The following MMS19 variants were observed in gnomAD, a reference collection of about 807,000 sequenced individuals.
MMS19 encodes the protein MMS19 nucleotide excision repair protein homolog.
Under a neutral mutation model 129.8 loss-of-function variants are expected in MMS19, and 77 were observed. The observed-to-expected ratio is 0.59, with a 90% CI of 0.49 to 0.72. MMS19 has a LOEUF of 0.72. Among genes scored for constraint, MMS19 ranks in the 30% least tolerant of loss-of-function variants. MMS19 has a pLI of 0.00. For synonymous variants in MMS19, 491 were observed against 502.8 expected (o/e 0.98, Z 0.31); for missense variants, 1,168 against 1,266.3 (o/e 0.92, Z 1.18).
chr10:97,487,669 G>T (rs976878925), intron 1 of MMS19, among the ~76,000 whole-genome samples: 1 of 152,064 alleles, frequency 6.6e-6, no homozygotes, highest in Non-Finnish European at 1.5e-5. Context: ...AGCCCTAAAA[G>T]ATTGGTTTTA....
chr10:97,497,465 T>G (rs1330201617), intron 1 of MMS19, among the ~76,000 whole-genome samples: 9 of 152,174 alleles, frequency 5.9e-5, no homozygotes, highest in African/African-American at 2.2e-4. Flanking sequence ...GATAATTTTA[T>G]ATTGTTACTT....
intron 9 of MMS19, 148 bp downstream of exon 9, chr10:97,470,627 G>A: frequency 1.7e-6 from 1 of 587,980 alleles, no homozygotes; most frequent in Non-Finnish European, 3.1e-6. Flanking sequence ...CTACATCGAA[G>A]GTCTGAAGAT....
chr10:97,469,186 G>A (rs914027408), intron 11 of MMS19, 82 bp from the exon 12 acceptor site: 1 of 1,481,146 alleles, frequency 6.8e-7, no homozygotes, highest in Non-Finnish European at 8.9e-7. Context: ...TTTCCTTGTT[G>A]GAGAGGGGAG....
At chr10:97,488,689 A>G (rs2038346559) in intron 1 of MMS19, among the ~76,000 whole-genome samples, 1 of 152,250 alleles carries the variant, frequency 6.6e-6, no homozygotes, top group Non-Finnish European at 1.5e-5. Context: ...AAAAGTCTAT[A>G]CATGTTTGGT....
At chr10:97,469,831 A>G (rs1419550576) in intron 10 of MMS19, 108 bp from the exon 11 acceptor site, 3 of 902,020 alleles carry the variant, frequency 3.3e-6, no homozygotes, top group Non-Finnish European at 5.2e-6. Flanking sequence ...CAGCAGAAAA[A>G]CCAGTTAAGA....
intron 10 of MMS19, 143 bp from the exon 11 acceptor site, chr10:97,469,866 C>A (rs770165110): frequency 1.4e-6 from 1 of 693,750 alleles, no homozygotes; most frequent in Non-Finnish European, 2.4e-6. Flanking sequence ...ACTAAGGGAA[C>A]AGAGAAGTAG....
At chr10:97,491,690 T>C (rs1167026986) in intron 1 of MMS19, among the ~76,000 whole-genome samples, 1 of 152,220 alleles carries the variant, frequency 6.6e-6, no homozygotes, top group African/African-American at 2.4e-5. Flanking sequence ...GCATTCTGCA[T>C]ACATTAATAT....
chr10:97,481,191 T>C lies in MMS19; in HGVS notation c.162-149A>G, dbSNP rs972032941. ...TAAAAACAGCCCAGGAAGGTGTTCC[T>C]GAGGTAACGGCATTACAGATACCAG... On this transcript the variant is annotated intron_variant, in intron 2 of 30. Transcript: ENST00000438925. The C allele has an allele frequency of 1.4e-5, 9 of 649,702 alleles. No homozygotes were observed. The African/African-American group carries it at 1.5e-4, about 11-fold the overall frequency. The allele number at this position is 649,702 out of a possible 1,614,324, so 40.2% of individuals were successfully genotyped here. A position where few individuals can be genotyped will look rare whatever the true frequency, so the allele number is the denominator to read the frequency against.
At chr10:97,467,073 G>T (rs886542983) in intron 14 of MMS19, among the ~76,000 whole-genome samples, 172 bp from the exon 15 acceptor site, 2 of 152,138 alleles carry the variant, frequency 1.3e-5, no homozygotes, top group Non-Finnish European at 2.9e-5. Flanking sequence ...CTGCCTCCCA[G>T]GTTCAAGCCA....
chr10:97,482,649 G>A (rs2036999230), intron 2 of MMS19, among the ~76,000 whole-genome samples: 1 of 151,370 alleles, frequency 6.6e-6, no homozygotes, highest in Non-Finnish European at 1.5e-5. Context: ...ACAAGCCACA[G>A]AATTGTACAT....
At position 97,469,701 on chromosome 10, in the gene MMS19, C is replaced by T; in HGVS notation, c.869G>A (p.Gly290Glu). ...GAGGAAGTCCTTCAGTTCCTTCTGT[C>T]CATACACAGCACAGCAAGCATTCTG... ...QTLNACCAVYGQKELKDFLPS... is the reference protein window; with the variant it reads ...QTLNACCAVYEQKELKDFLPS... Residue 290 changes from glycine to glutamate, a missense_variant, in exon 11 of 31, where the codon GGA (glycine) becomes GAA (glutamate). Transcript: ENST00000438925. 6.2e-6 allele frequency: 10 copies of T among 1,613,918 alleles called. No homozygotes were observed. The highest frequency in any genetic ancestry group is 8.5e-6 in the Non-Finnish European group (10 of 1,179,852).
At chr10:97,495,884 C>G (rs1045108535) in intron 1 of MMS19, among the ~76,000 whole-genome samples, 2 of 152,228 alleles carry the variant, frequency 1.3e-5, no homozygotes, top group African/African-American at 4.8e-5. Flanking sequence ...CAGGCTCAAG[C>G]GATTCTCCAG....
rs577753039 is a variant in MMS19, at chr10:97,468,815, G to T, written c.1063+151C>A. 6 of 772,946 alleles carry T rather than the reference G, an allele frequency of 7.8e-6. No homozygotes were observed. The East Asian group carries it at 1.8e-4, about 23-fold the overall frequency. The allele number at this position is 772,946 out of a possible 1,614,324, so 47.9% of individuals were successfully genotyped here. A position where few individuals can be genotyped will look rare whatever the true frequency, so the allele number is the denominator to read the frequency against. On this transcript the variant is annotated intron_variant, in intron 12 of 30. Transcript: ENST00000438925. ...GTAGAGACGAGGTTTCACCATGTTG[G>T]CCAGGCTGGTCTTTAACTCCTGACC...
chr10:97,473,111 C>T (rs1338153494), intron 8 of MMS19, among the ~76,000 whole-genome samples: 1 of 151,922 alleles, frequency 6.6e-6, no homozygotes, highest in Non-Finnish European at 1.5e-5. Context: ...TCTCGGCTCA[C>T]TGTAACCTCC....
At chr10:97,484,739 A>C (rs1014365464) in intron 1 of MMS19, among the ~76,000 whole-genome samples, 1 of 152,166 alleles carries the variant, frequency 6.6e-6, no homozygotes, top group Non-Finnish European at 1.5e-5. Context: ...AACACGGTGA[A>C]ACCCTGTCTC....
intron 2 of MMS19, 68 bp downstream of exon 2, chr10:97,484,035 C>A (rs1283306075): frequency 4.6e-6 from 5 of 1,083,906 alleles, no homozygotes; most frequent in South Asian, 4.4e-5. Context: ...AGCAGCAATG[C>A]GCAAAAGTAA....
Position 97,459,432 on chromosome 10 carries a change from G to T in MMS19, c.2834C>A (p.Pro945His). 1 of 1,609,894 alleles carries T rather than the reference G, an allele frequency of 6.2e-7. No individual in the cohort carries two copies. The highest frequency in any genetic ancestry group is 8.5e-7 in the Non-Finnish European group (1 of 1,178,166). ...SCLQPLLLEA[P>H]QVMSLHVDTL... ...GTCCACGTGAAGACTCATGACTTGG[G>T]GTGCTTCCAGTAGAAGAGGCTGAAG... is the stretch of plus-strand genomic sequence containing the variant. Residue 945 changes from proline (P) to histidine (H), a missense_variant, in exon 28 of 31, where the codon CCC (proline) becomes CAC (histidine). Pro to His is a moderately conservative substitution (Grantham distance 77, BLOSUM62 -2). Around this residue, in one of 3 missense-constraint regions of MMS19, gnomAD observed 831 missense variants for 910.8 expected, o/e 0.91. Transcript: ENST00000438925.
chr10:97,464,684 C>G (rs1043646206), intron 18 of MMS19, among the ~76,000 whole-genome samples: 3 of 151,686 alleles, frequency 2.0e-5, no homozygotes, highest in African/African-American at 7.3e-5. Flanking sequence ...TGAAAATTAC[C>G]TAGGTAATTT....
chr10:97,481,178 A>G (rs2036731230), intron 2 of MMS19, 136 bp from the exon 3 acceptor site: 2 of 666,940 alleles, frequency 3.0e-6, no homozygotes, highest in Non-Finnish European at 5.4e-6. Context: ...AAAACAGCCC[A>G]GGAAGGTGTT....
Sources: allele counts gnomAD v4.1 joint callset (sites outside exome capture counted in the v4.1 genomes callset), GRCh38; gene constraint gnomAD v4.1.1; regional missense constraint gnomAD v4.1.1; transcripts MANE v1.5; gene names NCBI Gene and HGNC (gene_info 2026-07-23, HGNC 2026-07-21).